Variants in AK9 observed in about 807,000 individuals in gnomAD.
AK9 encodes adenylate kinase 9, also known as adenylate kinase domain containing 1.
In AK9, 191 loss-of-function variants were observed where a neutral mutation model predicts 239.6. The ratio of observed to expected loss-of-function variants is 0.80; its 90% CI spans 0.71 to 0.90. The LOEUF is 0.90. Ranked by LOEUF, AK9 falls within the 40% of genes least tolerant of loss-of-function variation. The pLI, the probability that AK9 is intolerant of heterozygous loss-of-function variation, is 0.00. For missense variants in AK9, 1,995 were observed against 2,214.7 expected, an observed-to-expected ratio of 0.90 and a Z score of 1.99; for synonymous variants, 689 against 721.0, an observed-to-expected ratio of 0.96 and a Z score of 0.71.
chr6:109,548,884 A>G (rs983725549), intron 25 of AK9, among the ~76,000 whole-genome samples: 3 of 152,210 alleles, frequency 2.0e-5, no homozygotes, highest in Admixed American at 6.5e-5. Context: ...AATCAAAGCA[A>G]TGGCTACTAA....
intron 35 of AK9, among the ~76,000 whole-genome samples, chr6:109,502,793 TAAGG>T (rs913212083): frequency 2.0e-5 from 3 of 152,172 alleles, no homozygotes; most frequent in African/African-American, 7.2e-5. Flanking sequence ...CAGTAACACT[TAAGG>T]AACGGAATCT....
chr6:109,497,355 CACA>C, intron 38 of AK9, 107 bp downstream of exon 38: 1 of 659,986 alleles, frequency 1.5e-6, no homozygotes, highest in Non-Finnish European at 2.6e-6. Context: ...CACACACACA[CACA>C]CACACTCTCT....
At position 109,659,378 on chromosome 6, in the gene AK9, C is replaced by T; in HGVS notation, c.480G>A (p.Gly160=). 1.2e-6 allele frequency: 2 copies of T among 1,611,254 alleles called. No individual in the cohort carries two copies. Among genetic ancestry groups the T allele is most frequent in the Non-Finnish European group, 1.7e-6 (2 of 1,179,376 alleles). Residue 160 remains glycine, a synonymous_variant, in exon 7 of 41, where the codon GGG becomes GGA. Transcript: ENST00000424296. ...PDYDLCQRIS[G]QRQHNNTGYI... ...ATCCCGTATTATTGTGCTGTCTTTGCCCAGAAATTCTCTGGCACAAATCAT... is the reference window on the plus strand; with the variant it reads ...ATCCCGTATTATTGTGCTGTCTTTGTCCAGAAATTCTCTGGCACAAATCAT...
chr6:109,667,636 A>G (rs902239746), intron 5 of AK9, among the ~76,000 whole-genome samples: 1 of 149,694 alleles, frequency 6.7e-6, no homozygotes. Context: ...CCCACCTATG[A>G]GTGAGAACAT....
intron 8 of AK9, among the ~76,000 whole-genome samples, chr6:109,645,438 A>C (rs1312820265): frequency 6.6e-6 from 1 of 152,214 alleles, no homozygotes; most frequent in Admixed American, 6.5e-5. Context: ...CCCCATGCCC[A>C]CAGAGCCTTG....
chr6:109,626,783 C>T (rs933573971), intron 12 of AK9, among the ~76,000 whole-genome samples: 1 of 152,130 alleles, frequency 6.6e-6, no homozygotes, highest in African/African-American at 2.4e-5. Context: ...AATGCTACAG[C>T]TGTATAGGGA....
At chr6:109,599,745 T>C (rs1227404696) in intron 17 of AK9, among the ~76,000 whole-genome samples, 1 of 152,206 alleles carries the variant, frequency 6.6e-6, no homozygotes, top group Non-Finnish European at 1.5e-5. Context: ...TCCCCTTTTA[T>C]TTCCTTGAGC....
chr6:109,651,274 C>T (rs1396453019), intron 8 of AK9, among the ~76,000 whole-genome samples: 2 of 151,842 alleles, frequency 1.3e-5, no homozygotes, highest in Non-Finnish European at 2.9e-5. Flanking sequence ...TCACTAAAAG[C>T]CGCAGAACTA....
chr6:109,504,183 C>T (rs1777875568), intron 35 of AK9, among the ~76,000 whole-genome samples: 1 of 151,782 alleles, frequency 6.6e-6, no homozygotes, highest in Admixed American at 6.6e-5. Context: ...GTAAGACTGC[C>T]CCCTCCAATC....
chr6:109,586,166 C>T, intron 17 of AK9, 94 bp from the exon 18 acceptor site: 1 of 1,061,274 alleles, frequency 9.4e-7, no homozygotes. Context: ...AAACAAGTAT[C>T]TTTTGAGTTC....
At chr6:109,625,043 C>G (rs779115939) in intron 12 of AK9, among the ~76,000 whole-genome samples, 13 of 151,694 alleles carry the variant, frequency 8.6e-5, no homozygotes, top group African/African-American at 2.2e-4. Flanking sequence ...TCCAAATGTT[C>G]CCTTTTCTGT....
At chr6:109,632,751 C>G in intron 12 of AK9, 172 bp downstream of exon 12, 1 of 1,330,978 alleles carries the variant, frequency 7.5e-7, no homozygotes, top group Non-Finnish European at 9.7e-7. Context: ...GAATGCCTAC[C>G]CTACCCCAAG....
At chr6:109,685,888 C>T (rs1228113409) in intron 1 of AK9, among the ~76,000 whole-genome samples, 1 of 152,152 alleles carries the variant, frequency 6.6e-6, no homozygotes, top group African/African-American at 2.4e-5. Flanking sequence ...TCCAGTCTTG[C>T]TTTTGTAGAA....
At chr6:109,592,187 T>A (rs1790340902) in intron 17 of AK9, among the ~76,000 whole-genome samples, 1 of 152,056 alleles carries the variant, frequency 6.6e-6, no homozygotes, top group Admixed American at 6.5e-5. Context: ...ATACCACTAC[T>A]AAAAACAGAA....
In AK9 at chr6:109,610,752, G is replaced by T. The variant is rs139229804; in HGVS notation, c.1694-239C>A. 3.0e-3 allele frequency among the ~76,000 whole-genome samples: 450 copies of T among 152,290 alleles called. 4 individuals are homozygous for T. The highest frequency in any genetic ancestry group is 9.8e-3 in the African/African-American group (408 of 41,558). On this transcript the variant is annotated intron_variant, in intron 16 of 40. Transcript: ENST00000424296. ...CCAGTACAGCAGAATGAAAGTGAAA[G>T]AGGCAAGAAGAAAGTCATGTCTGGC... is the stretch of plus-strand genomic sequence containing the variant.
intron 13 of AK9, among the ~76,000 whole-genome samples, chr6:109,616,404 T>C (rs1336685822): frequency 6.6e-6 from 1 of 152,214 alleles, no homozygotes; most frequent in Non-Finnish European, 1.5e-5. Context: ...TTTTTTTCTT[T>C]CTTTTTTTTT....
chr6:109,557,164 T>C (rs954258856), intron 24 of AK9, among the ~76,000 whole-genome samples: 2 of 152,018 alleles, frequency 1.3e-5, no homozygotes, highest in African/African-American at 2.4e-5. Flanking sequence ...TGGATGGGGT[T>C]TTTGTGGGGG....
intron 10 of AK9, among the ~76,000 whole-genome samples, chr6:109,638,207 G>C (rs1302565464): frequency 5.9e-5 from 9 of 152,148 alleles, no homozygotes; most frequent in Non-Finnish European, 1.3e-4. Context: ...ATTTCCTGCA[G>C]GTTTTATAGA....
chr6:109,545,467 GT>G (rs1189308786), intron 26 of AK9, among the ~76,000 whole-genome samples: 9 of 152,158 alleles, frequency 5.9e-5, no homozygotes, highest in African/African-American at 2.2e-4. Context: ...TCTTGTGATA[GT>G]GAATAGTCTC....
Sources: allele counts gnomAD v4.1 joint callset (sites outside exome capture counted in the v4.1 genomes callset), GRCh38; gene constraint gnomAD v4.1.1; transcripts MANE v1.5; gene names NCBI Gene and HGNC (gene_info 2026-07-23, HGNC 2026-07-21).